The following TXNL4A variants were observed in gnomAD, a reference collection of about 807,000 sequenced individuals.
TXNL4A encodes thioredoxin like 4A.
In TXNL4A, 17 loss-of-function variants were observed where a neutral mutation model predicts 14.6. The ratio of observed to expected loss-of-function variants is 1.16; its 90% confidence interval spans 0.80 to 1.74. TXNL4A has a LOEUF of 1.74. Ranked by LOEUF, TXNL4A falls within the 40% of genes most tolerant of loss-of-function variation. The pLI is 0.00. For missense variants in TXNL4A, 74 were observed against 195.2 expected (o/e 0.38, Z 3.70); for synonymous variants, 83 against 70.6 (o/e 1.18, Z -0.88).
chr18:80,004,111 G>A (rs932135556), intron 1 of TXNL4A, among the ~76,000 whole-genome samples: 3 of 139,198 alleles, frequency 2.2e-5, no homozygotes, highest in Non-Finnish European at 4.7e-5. Flanking sequence ...TCACAGGCAT[G>A]AGCCACCATA....
chr18:80,007,491 G>C (rs2051739382), intron 1 of TXNL4A, among the ~76,000 whole-genome samples: 1 of 152,214 alleles, frequency 6.6e-6, no homozygotes, highest in Non-Finnish European at 1.5e-5. Context: ...GTAACATCGG[G>C]TTCTAAGTCA....
chr18:80,006,112 G>A (rs1568376267), intron 1 of TXNL4A, among the ~76,000 whole-genome samples: 1 of 151,356 alleles, frequency 6.6e-6, no homozygotes, highest in Non-Finnish European at 1.5e-5. Flanking sequence ...AAGGCCAGGT[G>A]TGGTGGCTCA....
chr18:79,990,026 T>C (rs1347104135), upstream of TXNL4A, among the ~76,000 whole-genome samples: 1 of 152,162 alleles, frequency 6.6e-6, no homozygotes, highest in Admixed American at 6.5e-5. Context: ...ATGCAGATGC[T>C]GTGGTGTCTC....
In TXNL4A at chr18:80,011,886, C is replaced by T. The variant is rs1033038407; in HGVS notation, c.-61+21965G>A. ...AGTAGTTTAGACACACGCCTTTGCT[C>T]GAGGAAATTCACAGAAACCGAGACT... On this transcript the variant is annotated intron_variant, in intron 1 of 2. Coordinates refer to the TXNL4A transcript ENST00000585474. The surrounding 1 kb of genome is among the most constrained non-coding windows in gnomAD (Gnocchi z 4.1). Among the ~76,000 whole-genome samples the T allele has an allele frequency of 4.6e-5, 7 of 152,002 alleles. No homozygotes were observed. Among genetic ancestry groups the T allele is most frequent in the African/African-American group, 1.2e-4 (5 of 41,386 alleles).
chr18:79,975,747 G>A (rs754590397), intron 2 of TXNL4A, among the ~76,000 whole-genome samples: 12 of 152,118 alleles, frequency 7.9e-5, no homozygotes, highest in South Asian at 2.1e-4. Flanking sequence ...ACAGGGACAC[G>A]GGGTCCGCAG....
At position 79,973,565 on chromosome 18, in the gene TXNL4A, T is replaced by C. The variant is rs1294242443; in HGVS notation, c.*120A>G. On this transcript the variant is annotated 3_prime_UTR_variant, in exon 3 of 3. Transcript: ENST00000269601. ...GGTGAGTTAAGACCATGTTATCAAT[T>C]CCATCTCAGAGGTGCTCCAGCCCTG... 1 of 1,302,416 alleles carries C rather than the reference T, an allele frequency of 7.7e-7. No individual in the cohort carries two copies. The allele number at this position is 1,302,416 out of a possible 1,614,324, so 80.7% of individuals were successfully genotyped here.
At chr18:80,019,291 G>A (rs982938757) in intron 1 of TXNL4A, among the ~76,000 whole-genome samples, 2 of 152,174 alleles carry the variant, frequency 1.3e-5, no homozygotes, top group African/African-American at 4.8e-5. Flanking sequence ...ATCATGGTGG[G>A]AGGTGAAAGG....
chr18:80,018,091 GGA>G (rs1167747820), intron 1 of TXNL4A, among the ~76,000 whole-genome samples: 2 of 151,952 alleles, frequency 1.3e-5, no homozygotes, highest in Non-Finnish European at 2.9e-5. Context: ...TTTAGTCTTG[GGA>G]GAGTGTATGT....
chr18:80,028,205 C>T (rs1321529442), intron 1 of TXNL4A, among the ~76,000 whole-genome samples: 2 of 148,824 alleles, frequency 1.3e-5, no homozygotes, highest in East Asian at 3.9e-4. Context: ...ACACCTGGAC[C>T]CGGTGGCTTG....
At chr18:80,017,564 T>C (rs1450928678) in intron 1 of TXNL4A, among the ~76,000 whole-genome samples, 5 of 152,216 alleles carry the variant, frequency 3.3e-5, no homozygotes, top group African/African-American at 4.8e-5. Flanking sequence ...TGAGAGTTTT[T>C]AGCATGAAGT....
chr18:80,003,224 T>G (rs1408060402), intron 1 of TXNL4A, among the ~76,000 whole-genome samples: 2 of 152,234 alleles, frequency 1.3e-5, no homozygotes, highest in African/African-American at 4.8e-5. Flanking sequence ...AGGATGTCCA[T>G]CCAGCTGGCT....
intron 1 of TXNL4A, among the ~76,000 whole-genome samples, chr18:79,986,970 G>C (rs920074984): frequency 6.6e-6 from 1 of 152,188 alleles, no homozygotes; most frequent in East Asian, 1.9e-4. Context: ...TGAGAGAACT[G>C]CTGCTCTCCC....
intron 1 of TXNL4A, among the ~76,000 whole-genome samples, chr18:80,013,182 G>A (rs118096710): frequency 0.094 from 13,932 of 147,946 alleles, 896 homozygotes; most frequent in Non-Finnish European, 0.14. Flanking sequence ...GCACAGTGGC[G>A]CGCGATCTTG....
rs946834841 is a variant in TXNL4A at position 79,988,434 on chromosome 18, G to A, written c.-42C>T. On this transcript the variant is annotated 5_prime_UTR_variant, in exon 1 of 3. Coordinates refer to ENST00000269601, the MANE Select transcript of TXNL4A (RefSeq NM_006701.5). ...GCCGCCGCCCAAGGCGGGGCGCCAGGGAGGGCCCAGCGAGGTGGGCTCAGC... is the reference window on the plus strand; with the variant it reads ...GCCGCCGCCCAAGGCGGGGCGCCAGAGAGGGCCCAGCGAGGTGGGCTCAGC... 2.4e-5 allele frequency: 34 copies of A among 1,387,930 alleles called. No homozygotes were observed. The highest frequency in any genetic ancestry group is 3.0e-5 in the African/African-American group (2 of 67,518). 86.0% of individuals were successfully genotyped at this position (1,387,930 alleles called of 1,614,324 possible).
chr18:79,976,787 A>T (rs565732975), intron 2 of TXNL4A: 1 of 456,302 alleles, frequency 2.2e-6, no homozygotes, highest in South Asian at 1.6e-5. Context: ...CTCTATGGTA[A>T]CTAAACAAGT....
intron 1 of TXNL4A, among the ~76,000 whole-genome samples, chr18:80,015,318 T>C (rs10853395): frequency 0.47 from 71,940 of 151,554 alleles, 17,780 homozygotes; most frequent in East Asian, 0.75. Flanking sequence ...AACTTTTATG[T>C]TCTGTTTCCC....
chr18:80,031,034 G>A (rs1425551042), intron 1 of TXNL4A, among the ~76,000 whole-genome samples: 1 of 152,158 alleles, frequency 6.6e-6, no homozygotes, highest in Non-Finnish European at 1.5e-5. Context: ...CAGTGGAAAG[G>A]ACCAGCTCAT....
chr18:80,015,162 C>G (rs111989055), intron 1 of TXNL4A, among the ~76,000 whole-genome samples: 194 of 151,800 alleles, frequency 1.3e-3, no homozygotes, highest in African/African-American at 4.5e-3. Flanking sequence ...TATGACGTGC[C>G]CTGGAGACAT....
At chr18:80,025,519 T>A (rs2051878793) in intron 1 of TXNL4A, among the ~76,000 whole-genome samples, 1 of 152,188 alleles carries the variant, frequency 6.6e-6, no homozygotes, top group South Asian at 2.1e-4. Flanking sequence ...CTGGAAGATG[T>A]AGAAAAGGGG....
Sources: gnomAD v4.1 joint callset for allele counts (sites outside exome capture counted in the v4.1 genomes callset) on GRCh38, gnomAD v4.1.1 for gene constraint, Gnocchi (gnomAD v3.1) non-coding constraint, MANE v1.5 for transcripts, NCBI Gene and HGNC (gene_info 2026-07-23, HGNC 2026-07-21) for gene names.